FTCDNL1: variants seen among roughly 807,000 people sequenced by gnomAD.
FTCDNL1 encodes formiminotransferase N-terminal subdomain-containing protein.
A neutral mutation model predicts 5.9 loss-of-function variants in FTCDNL1; 11 were observed. That is an observed-to-expected ratio of 1.87 (90% CI 1.18 to 3.10). The LOEUF (loss-of-function observed/expected upper bound fraction) is 3.10. Among genes scored for constraint, FTCDNL1 ranks in the 30% most tolerant of loss-of-function variants. The probability of loss-of-function intolerance (pLI) is 0.00; values close to 1 mark genes in which losing one functional copy is unlikely to be tolerated. For synonymous variants in FTCDNL1, 58 were observed against 24.8 expected, an observed-to-expected ratio of 2.34 and a Z score of -3.99; for missense variants, 115 against 65.5, an observed-to-expected ratio of 1.76 and a Z score of -2.61.
chr2:199,797,457 G>A (rs1700227167), intron 3 of FTCDNL1, among the ~76,000 whole-genome samples: 1 of 152,114 alleles, frequency 6.6e-6, no homozygotes, highest in Non-Finnish European at 1.5e-5. Flanking sequence ...AATCTGTTCT[G>A]AATCTCATTT....
chr2:199,775,447 C>T (rs1160835121), intron 3 of FTCDNL1, among the ~76,000 whole-genome samples: 1 of 152,172 alleles, frequency 6.6e-6, no homozygotes, highest in African/African-American at 2.4e-5. Flanking sequence ...TCCCTGGGAA[C>T]TGATGAAAAC....
rs1317075992 is a variant in FTCDNL1 at position 199,811,222 on chromosome 2, G to C, written c.*1483C>G. ...AATCACTTACCCTAAATATCTTTAAGAATTATATCAGTTTTAACATTGCAC... is the reference window on the plus strand; with the variant it reads ...AATCACTTACCCTAAATATCTTTAACAATTATATCAGTTTTAACATTGCAC... On this transcript the variant is annotated 3_prime_UTR_variant, in exon 5 of 5. Coordinates refer to ENST00000420128, the MANE Select transcript of FTCDNL1 (RefSeq NM_001363886.2). Among the ~76,000 whole-genome samples the C allele has an allele frequency of 6.6e-6, 1 of 152,088 alleles. No homozygotes were observed. The highest frequency in any genetic ancestry group is 1.9e-4 in the East Asian group (1 of 5,196).
chr2:199,800,969 TC>T (rs1700415228), intron 3 of FTCDNL1, among the ~76,000 whole-genome samples: 1 of 152,230 alleles, frequency 6.6e-6, no homozygotes, highest in Non-Finnish European at 1.5e-5. Context: ...AAAAACCACA[TC>T]CTTTGCTTAC....
chr2:199,815,698 T>G (rs1417846216), intron 4 of FTCDNL1, among the ~76,000 whole-genome samples: 2 of 152,082 alleles, frequency 1.3e-5, no homozygotes, highest in African/African-American at 4.8e-5. Flanking sequence ...AGATATTGCT[T>G]CAAAAAATGA....
At chr2:199,683,000 G>A in the FTCDNL1 span, among the ~76,000 whole-genome samples, 1 of 152,120 alleles carries the variant, frequency 6.6e-6, no homozygotes, top group Non-Finnish European at 1.5e-5. Context: ...TCATCATTTG[G>A]AGACCCCATT....
intron 3 of FTCDNL1, among the ~76,000 whole-genome samples, chr2:199,778,202 T>C (rs1392837083): frequency 6.6e-6 from 1 of 152,148 alleles, no homozygotes; most frequent in Non-Finnish European, 1.5e-5. Context: ...CTGATACATA[T>C]TTAGGTCTGG....
At chr2:199,763,747 A>G (rs1324614760) in intron 3 of FTCDNL1, among the ~76,000 whole-genome samples, 1 of 152,262 alleles carries the variant, frequency 6.6e-6, no homozygotes, top group Admixed American at 6.5e-5. Flanking sequence ...ATTTACAGTC[A>G]GACTGGTGAA....
In FTCDNL1 at chr2:199,850,250, CCT is replaced by C; in HGVS notation, c.-8+488_-8+489del. Among the ~76,000 whole-genome samples, 2 of 152,262 alleles carry C rather than the reference CCT, an allele frequency of 1.3e-5. 1 individual carries two copies. The highest frequency in any genetic ancestry group is 2.9e-5 in the Non-Finnish European group (2 of 68,028). ...CATTGTTGTAATAAAGCAACCCAGA[CCT>C]CTCGTTTCTATGTAAACAAAAAATT... On this transcript the variant is annotated intron_variant, in intron 1 of 4. Transcript: ENST00000420128.
Position 199,819,605 on chromosome 2 carries a change from C to T in FTCDNL1, c.364G>A (p.Gly122Arg), listed in dbSNP as rs1032146178. ...CCACATCTTTGGGAAGGGGCAGCTCCCAGGTCAGGCTGAAGAGCACTGAAA... is the reference window on the plus strand; with the variant it reads ...CCACATCTTTGGGAAGGGGCAGCTCTCAGGTCAGGCTGAAGAGCACTGAAA... ...RDFSALQPDL[G>R]AAPSQRCGLT... is the part of the protein sequence containing the mutation. Residue 122 changes from glycine to arginine, a missense_variant, in exon 4 of 5, where the codon GGA becomes AGA. Gly to Arg is a moderately radical substitution (Grantham distance 125). Coordinates refer to ENST00000420128, the MANE Select transcript of FTCDNL1 (RefSeq NM_001363886.2). 2.8e-6 allele frequency: 2 copies of T among 702,214 alleles called. No homozygotes were observed. Among genetic ancestry groups the T allele is most frequent in the South Asian group, 1.5e-5 (1 of 67,590 alleles). The allele number at this position is 702,214 out of a possible 1,614,324, so 43.5% of individuals were successfully genotyped here. A position where few individuals can be genotyped will look rare whatever the true frequency, so the allele number is the denominator to read the frequency against.
At chr2:199,718,973 A>G in the FTCDNL1 span, among the ~76,000 whole-genome samples, 13 of 152,000 alleles carry the variant, frequency 8.6e-5, 1 homozygote, top group Non-Finnish European at 1.5e-4. Context: ...ATAGTTTGCA[A>G]ATTTTTTTTC....
chr2:199,849,767 TTAAAA>T (rs1336033270), intron 1 of FTCDNL1, among the ~76,000 whole-genome samples: 3 of 152,252 alleles, frequency 2.0e-5, no homozygotes, highest in African/African-American at 7.2e-5. Context: ...TTAAAACATC[TTAAAA>T]TAATAAGAAA....
chr2:199,667,206 G>C, the FTCDNL1 span, among the ~76,000 whole-genome samples: 1 of 152,196 alleles, frequency 6.6e-6, no homozygotes, highest in Non-Finnish European at 1.5e-5. Flanking sequence ...TTATAAAATA[G>C]TGAGTTGGTT....
chr2:199,708,991 T>A, the FTCDNL1 span, among the ~76,000 whole-genome samples: 5 of 152,090 alleles, frequency 3.3e-5, no homozygotes. Context: ...GCCATCACAC[T>A]CTACTTGGGA....
intron 3 of FTCDNL1, among the ~76,000 whole-genome samples, chr2:199,838,875 G>A (rs1158405564): frequency 1.3e-5 from 2 of 152,180 alleles, no homozygotes; most frequent in South Asian, 2.1e-4. Flanking sequence ...CAATCTAAAC[G>A]TTGAGATTTT....
chr2:199,702,905 C>A, the FTCDNL1 span, among the ~76,000 whole-genome samples: 1 of 151,886 alleles, frequency 6.6e-6, no homozygotes, highest in South Asian at 2.1e-4. Flanking sequence ...TGAGGTGAGA[C>A]CAACAAGAAA....
intron 3 of FTCDNL1, among the ~76,000 whole-genome samples, chr2:199,797,635 A>C (rs1408910578): frequency 6.6e-6 from 1 of 152,200 alleles, no homozygotes; most frequent in Non-Finnish European, 1.5e-5. Context: ...TCTTTTATTG[A>C]TTACATTTGA....
rs1457375857 is a variant in FTCDNL1, at chr2:199,810,084, G to A, written c.*2621C>T. ...TCGAACTTTCCAAAATACCAACAGA[G>A]AAAGAAAAGCACGGTTAAGAGCTAA... On this transcript the variant is annotated 3_prime_UTR_variant, in exon 5 of 5. Coordinates refer to ENST00000420128, the MANE Select transcript of FTCDNL1 (RefSeq NM_001363886.2). Among the ~76,000 whole-genome samples the A allele has an allele frequency of 1.3e-5, 2 of 151,756 alleles. No individual in the cohort carries two copies. The highest frequency in any genetic ancestry group is 2.4e-5 in the African/African-American group (1 of 41,288).
chr2:199,787,449 G>C (rs1279195265), intron 3 of FTCDNL1, among the ~76,000 whole-genome samples: 1 of 152,074 alleles, frequency 6.6e-6, no homozygotes, highest in Non-Finnish European at 1.5e-5. Flanking sequence ...CTCCCAAAAT[G>C]CTGGGATTAC....
intron 3 of FTCDNL1, among the ~76,000 whole-genome samples, chr2:199,820,862 G>A (rs1279692419): frequency 3.3e-5 from 5 of 152,150 alleles, no homozygotes; most frequent in Non-Finnish European, 5.9e-5. Context: ...TCTGATATAC[G>A]AAATGTAGGT....
Sources: gnomAD v4.1 joint callset for allele counts (sites outside exome capture counted in the v4.1 genomes callset) on GRCh38, gnomAD v4.1.1 for gene constraint, MANE v1.5 for transcripts, NCBI Gene and HGNC (gene_info 2026-07-23, HGNC 2026-07-21) for gene names.